Variants in PAK3 observed in about 807,000 individuals in gnomAD.
The protein encoded by PAK3 is serine/threonine-protein kinase PAK 3.
PAK3 carries 4 observed loss-of-function variants against 41.0 expected under a neutral mutation model. The ratio of observed to expected loss-of-function variants is 0.10; its 90% CI spans 0.05 to 0.22. PAK3 has a LOEUF of 0.22. PAK3 is among the 10% of genes least tolerant of loss of function. The pLI is 1.00. For missense variants in PAK3, 205 were observed against 409.9 expected (o/e 0.50, Z 4.32); for synonymous variants, 146 against 139.6 (o/e 1.05, Z -0.32).
chrX:111,029,253 G>C (rs2092312019), intron 1 of PAK3, among the ~76,000 whole-genome samples: 2 of 112,198 alleles, frequency 1.8e-5, no homozygotes, highest in African/African-American at 6.5e-5. Flanking sequence ...CATACATATT[G>C]CAAGGAATGT....
chrX:111,194,200 A>G (rs2094589421), intron 13 of PAK3, 101 bp from the exon 14 acceptor site: 1 of 587,270 alleles, frequency 1.7e-6, no homozygotes, highest in African/African-American at 2.2e-5. Context: ...TGGGCATAGC[A>G]CAACTCAGAG....
intron 1 of PAK3, among the ~76,000 whole-genome samples, chrX:110,999,698 G>T (rs747428844): frequency 9.3e-6 from 1 of 107,711 alleles, no homozygotes; most frequent in Admixed American, 9.9e-5. Flanking sequence ...AAAAAGCCAG[G>T]TGCAGTGGCT....
rs1281671789 is a variant in PAK3, at chrX:111,031,760, G to A, written c.-28+87132G>A. Among the ~76,000 whole-genome samples the A allele has an allele frequency of 2.7e-5, 3 of 111,489 alleles. No individual in the cohort carries two copies. The Admixed American group carries it at 2.9e-4, about 11-fold the overall frequency. ...GAACTTAACCATTTAGGGACCCATG[G>A]ATGGAATTCTGTGGGTCTATGAACT... On this transcript the variant is annotated intron_variant, in intron 1 of 14. Transcript: ENST00000425146.
chrX:110,967,688 G>A (rs1240162065), intron 1 of PAK3, among the ~76,000 whole-genome samples: 1 of 111,946 alleles, frequency 8.9e-6, no homozygotes, highest in East Asian at 2.8e-4. Flanking sequence ...AAATATATCT[G>A]TGAGCCACAC....
At chrX:111,217,408 A>G (rs1264103378) in intron 17 of PAK3, 1 of 562,348 alleles carries the variant, frequency 1.8e-6, no homozygotes, top group African/African-American at 2.4e-5. Flanking sequence ...AATGACTGCT[A>G]TTTTTCTTTG....
At chrX:111,197,685 G>T (rs1248238417) in intron 16 of PAK3, among the ~76,000 whole-genome samples, 1 of 110,524 alleles carries the variant, frequency 9.0e-6, no homozygotes, top group Non-Finnish European at 1.9e-5. Flanking sequence ...GCCAGCATCT[G>T]TTATTTTTTG....
intron 1 of PAK3, among the ~76,000 whole-genome samples, chrX:111,041,178 G>A (rs2092449324): frequency 8.9e-6 from 1 of 112,955 alleles, no homozygotes; most frequent in Admixed American, 9.3e-5. Flanking sequence ...GAGAAATGAA[G>A]CAATGGTTTC....
intron 5 of PAK3, among the ~76,000 whole-genome samples, chrX:111,125,980 G>A (rs989672578): frequency 9.0e-6 from 1 of 111,674 alleles, no homozygotes; most frequent in Non-Finnish European, 1.9e-5. Flanking sequence ...CTTTAGAAGG[G>A]CCACTTAAAT....
intron 1 of PAK3, among the ~76,000 whole-genome samples, chrX:110,998,695 T>C (rs774522605): frequency 2.2e-4 from 25 of 112,307 alleles, no homozygotes; most frequent in Non-Finnish European, 4.5e-4. Context: ...TGTAAGCTTA[T>C]TGAGGGCAAG....
chrX:111,023,694 T>C (rs2092227053), intron 1 of PAK3, among the ~76,000 whole-genome samples: 1 of 112,489 alleles, frequency 8.9e-6, no homozygotes, highest in African/African-American at 3.2e-5. Flanking sequence ...TGTCTTCTTT[T>C]GAGAAGGGTC....
chrX:111,088,855 G>T lies in PAK3; in HGVS notation c.-27-34222G>T, dbSNP rs60387603. Among the ~76,000 whole-genome samples, 963 of 111,772 alleles carry T rather than the reference G, an allele frequency of 8.6e-3. 14 individuals carry two copies. The highest frequency in any genetic ancestry group is 0.029 in the African/African-American group (889 of 30,777). On this transcript the variant is annotated intron_variant, in intron 1 of 14. Coordinates refer to the PAK3 transcript ENST00000425146. ...GGAGAAAGTGTTTTCTATTAACTTT[G>T]CAGCTGGCTTTATCTGTCCATTCTC...
At chrX:111,161,053 A>G (rs2094179287) in intron 8 of PAK3, among the ~76,000 whole-genome samples, 2 of 111,375 alleles carry the variant, frequency 1.8e-5, no homozygotes, top group African/African-American at 6.5e-5. Flanking sequence ...TGACTTCCAC[A>G]ATGGTTGAAC....
chrX:111,220,945 C>CAAAAAAAAAAAAAAAAAAAACAAAAA lies in PAK3; in HGVS notation c.*515_*516insAAACAAAAAAAAAAAAAAAAAAAAAA. 5 of 49,443 alleles carry CAAAAAAAAAAAAAAAAAAAACAAAAA rather than the reference C, an allele frequency of 1.0e-4. No individual in the cohort carries two copies. Among genetic ancestry groups the CAAAAAAAAAAAAAAAAAAAACAAAAA allele is most frequent in the Non-Finnish European group, 1.4e-4 (4 of 28,192 alleles). The allele number at this position is 49,443 out of a possible 1,213,427, so 4.1% of individuals were successfully genotyped here. ...AAAAAAGAAAGCAAAAAAAGCAAGG[C>CAAAAAAAAAAAAAAAAAAAACAAAAA]AAAAAAAAAAAAAAAAACAAACAAA... On this transcript the variant is annotated 3_prime_UTR_variant, in exon 18 of 18. Transcript: ENST00000372007.
chrX:111,075,954 G>T (rs1422281922), intron 1 of PAK3, among the ~76,000 whole-genome samples: 15 of 112,771 alleles, frequency 1.3e-4, no homozygotes, highest in Non-Finnish European at 1.9e-5. Flanking sequence ...CTACCCTTCT[G>T]GGTTTAGACT....
intron 5 of PAK3, among the ~76,000 whole-genome samples, chrX:111,126,887 G>C (rs369196709): frequency 9.0e-6 from 1 of 110,670 alleles, no homozygotes; most frequent in Non-Finnish European, 1.9e-5. Context: ...TTTATAAGCC[G>C]GAGGTAACTA....
Position 111,216,610 on chromosome X carries a change from C to T in PAK3, c.1545+52C>T, listed in dbSNP as rs774775916. The T allele has an allele frequency of 1.3e-5, 13 of 990,322 alleles. No homozygotes were observed. The South Asian group carries it at 1.7e-4, about 13-fold the overall frequency. The allele number at this position is 990,322 out of a possible 1,213,427, so 81.6% of individuals were successfully genotyped here. ...AGAGAGGCATTATACTCAGCTTTTC[C>T]ATCTCAATGTGTGACAGAGAGCTCT... On this transcript the variant is annotated intron_variant, in intron 17 of 17. Coordinates refer to ENST00000372007, the MANE Select transcript of PAK3 (RefSeq NM_002578.5).
chrX:111,086,510 G>C (rs2092884332), intron 1 of PAK3, among the ~76,000 whole-genome samples: 1 of 111,521 alleles, frequency 9.0e-6, no homozygotes, highest in Non-Finnish European at 1.9e-5. Context: ...GCCTTACATG[G>C]TGGTGAAAAT....
chrX:111,116,852 G>A (rs2093473614), intron 4 of PAK3, among the ~76,000 whole-genome samples: 1 of 112,315 alleles, frequency 8.9e-6, no homozygotes, highest in Non-Finnish European at 1.9e-5. Context: ...GAAACTAGGT[G>A]GCTGTAAAAA....
intron 1 of PAK3, among the ~76,000 whole-genome samples, chrX:111,063,682 T>G (rs146838475): frequency 4.9e-4 from 53 of 109,137 alleles, no homozygotes; most frequent in Non-Finnish European, 9.8e-4. Flanking sequence ...AATACAAAAA[T>G]TAGCTGGGTG....
Sources: allele counts gnomAD v4.1 joint callset (sites outside exome capture counted in the v4.1 genomes callset), GRCh38; gene constraint gnomAD v4.1.1; transcripts MANE v1.5; gene names NCBI Gene and HGNC (gene_info 2026-07-23, HGNC 2026-07-21).